Variants in COL4A3 observed in about 807,000 individuals in gnomAD.
COL4A3 encodes collagen type IV alpha 3 chain.
COL4A3 carries 135 observed loss-of-function variants against 217.4 expected under a neutral mutation model. The observed-to-expected ratio is 0.62, with a 90% CI of 0.54 to 0.72. The LOEUF is 0.72. Among genes scored for constraint, COL4A3 ranks in the 30% least tolerant of loss-of-function variants. The probability of loss-of-function intolerance (pLI) is 0.00; values close to 1 mark genes in which losing one functional copy is unlikely to be tolerated. For missense variants in COL4A3, 1,868 were observed against 2,119.9 expected (o/e 0.88, Z 2.33); for synonymous variants, 690 against 736.3 (o/e 0.94, Z 1.02).
intron 1 of COL4A3, among the ~76,000 whole-genome samples, chr2:227,217,574 T>G (rs2067573353): frequency 6.6e-6 from 1 of 152,210 alleles, no homozygotes; most frequent in African/African-American, 2.4e-5. Context: ...AACAAAATAA[T>G]GCATGATGTA....
chr2:227,270,924 A>G lies in COL4A3; in HGVS notation c.1730A>G (p.Lys577Arg). ...GGAATTCCTGGAACTCCGGGAGTGA[A>G]AGGATTACCAGGACCTAAAGGCGAA... Reference protein sequence around the residue: ...LDGIPGTPGVKGLPGPKGELA... With the variant: ...LDGIPGTPGVRGLPGPKGELA... The change falls in exon 25 of 52, where the codon AAA (lysine) becomes AGA (arginine). Residue 577 changes from lysine to arginine, a missense_variant. Transcript: ENST00000396578. 1 of 1,614,158 alleles carries G rather than the reference A, an allele frequency of 6.2e-7. No homozygotes were observed. Among genetic ancestry groups the G allele is most frequent in the Non-Finnish European group, 8.5e-7 (1 of 1,180,016 alleles).
intron 1 of COL4A3, among the ~76,000 whole-genome samples, chr2:227,177,147 CTTTTTT>C (rs200452419): frequency 0.054 from 7,377 of 137,684 alleles, 240 homozygotes; most frequent in Admixed American, 0.088. Flanking sequence ...TTTTTCTTTC[CTTTTTT>C]TTTTTTTTTT....
chr2:227,211,739 C>A (rs923191283), intron 1 of COL4A3, among the ~76,000 whole-genome samples: 6 of 152,002 alleles, frequency 3.9e-5, no homozygotes, highest in African/African-American at 1.2e-4. Context: ...CTCACTGCAA[C>A]CTCCACCTCC....
Position 227,164,824 on chromosome 2 carries a change from G to T in COL4A3, c.87+11G>T. 1 of 1,507,414 alleles carries T rather than the reference G, an allele frequency of 6.6e-7. No individual in the cohort carries two copies. The highest frequency in any genetic ancestry group is 8.8e-7 in the Non-Finnish European group (1 of 1,135,124). 93.4% of individuals were successfully genotyped at this position (1,507,414 alleles called of 1,614,324 possible). A position where few individuals can be genotyped will look rare whatever the true frequency, so the allele number is the denominator to read the frequency against. ...CCCGCAGCCAGCAAGGTGAGTGGGG[G>T]CTGCGCGACCCCCACCCCCGCACTT... On this transcript the variant is annotated intron_variant, in intron 1 of 51. Transcript: ENST00000396578. The surrounding 1 kb of genome is among the most constrained non-coding windows in gnomAD (Gnocchi z 4.8).
intron 47 of COL4A3, among the ~76,000 whole-genome samples, chr2:227,306,054 G>A (rs1054652968): frequency 6.6e-6 from 1 of 152,210 alleles, no homozygotes; most frequent in Non-Finnish European, 1.5e-5. Flanking sequence ...TAGGTGCACA[G>A]TAGAGTGCTA....
intron 20 of COL4A3, among the ~76,000 whole-genome samples, chr2:227,262,780 G>A (rs963043167): frequency 3.3e-5 from 5 of 152,106 alleles, no homozygotes; most frequent in African/African-American, 1.2e-4. Flanking sequence ...TCGGCTCTAA[G>A]AGTTTTTTTG....
intron 42 of COL4A3, 38 bp downstream of exon 42, chr2:227,297,897 A>G: frequency 1.3e-6 from 2 of 1,549,896 alleles, no homozygotes; most frequent in Non-Finnish European, 8.7e-7. Flanking sequence ...AAATAACAAA[A>G]ATCATGTTTG....
chr2:227,200,768 G>C (rs1456199244), intron 1 of COL4A3, among the ~76,000 whole-genome samples: 3 of 152,146 alleles, frequency 2.0e-5, no homozygotes, highest in African/African-American at 4.8e-5. Flanking sequence ...TAAGTAACAT[G>C]ATGTTAATTT....
intron 48 of COL4A3, among the ~76,000 whole-genome samples, chr2:227,308,581 T>C (rs906784760): frequency 6.6e-5 from 10 of 152,352 alleles, no homozygotes; most frequent in Admixed American, 3.9e-4. Context: ...TTAGCTATTA[T>C]GTACATATGA....
At chr2:227,212,019 G>A (rs2067343345) in intron 1 of COL4A3, among the ~76,000 whole-genome samples, 1 of 152,158 alleles carries the variant, frequency 6.6e-6, no homozygotes, top group African/African-American at 2.4e-5. Context: ...CCAAAATGAT[G>A]TGTGTGAAGG....
intron 1 of COL4A3, among the ~76,000 whole-genome samples, chr2:227,188,688 C>T (rs1015121160): frequency 5.9e-5 from 9 of 152,158 alleles, no homozygotes; most frequent in South Asian, 2.1e-4. Flanking sequence ...TATATGCAAG[C>T]GGAATATAAC....
At chr2:227,237,813 T>C (rs1050331999) in intron 1 of COL4A3, 155 bp from the exon 2 acceptor site, 1 of 667,016 alleles carries the variant, frequency 1.5e-6, no homozygotes, top group Admixed American at 1.9e-5. Flanking sequence ...CATATATTGA[T>C]ATATTTCTAT....
At chr2:227,309,989 C>T (rs968139657) in intron 50 of COL4A3, among the ~76,000 whole-genome samples, 18 of 152,008 alleles carry the variant, frequency 1.2e-4, no homozygotes, top group African/African-American at 4.1e-4. Context: ...TTTATGAAAA[C>T]GCTCATAGGT....
chr2:227,194,282 T>G (rs188318970), intron 1 of COL4A3, among the ~76,000 whole-genome samples: 5 of 152,306 alleles, frequency 3.3e-5, no homozygotes, highest in Admixed American at 6.5e-5. Context: ...CCGTCTGAGA[T>G]AGTTCAACAG....
At chr2:227,276,318 T>C in intron 26 of COL4A3, 67 bp from the exon 27 acceptor site, 1 of 1,169,432 alleles carries the variant, frequency 8.6e-7, no homozygotes, top group Non-Finnish European at 1.3e-6. Flanking sequence ...TATAATCGTA[T>C]TTTCCGCTAT....
intron 1 of COL4A3, among the ~76,000 whole-genome samples, chr2:227,226,478 T>G (rs200459853): frequency 6.8e-6 from 1 of 147,582 alleles, no homozygotes; most frequent in Non-Finnish European, 1.5e-5. Flanking sequence ...TAGGTTTGTT[T>G]TTTTTTTTTT....
chr2:227,302,978 C>T, intron 43 of COL4A3, 60 bp from the exon 44 acceptor site: 1 of 1,102,824 alleles, frequency 9.1e-7, no homozygotes, highest in Non-Finnish European at 1.4e-6. Context: ...TAAAAAACTG[C>T]TGTGAATTGA....
chr2:227,309,964 A>G (rs1460354732), intron 50 of COL4A3, among the ~76,000 whole-genome samples: 2 of 152,124 alleles, frequency 1.3e-5, no homozygotes, highest in Non-Finnish European at 2.9e-5. Flanking sequence ...TGCTTTACAT[A>G]CATTCTCTGT....
chr2:227,177,672 A>T (rs2065727739), intron 1 of COL4A3, among the ~76,000 whole-genome samples: 1 of 152,184 alleles, frequency 6.6e-6, no homozygotes, highest in Non-Finnish European at 1.5e-5. Flanking sequence ...AATTTCAGAA[A>T]TAAACGATTC....
Sources: gnomAD v4.1 joint callset for allele counts (sites outside exome capture counted in the v4.1 genomes callset) on GRCh38, gnomAD v4.1.1 for gene constraint, Gnocchi (gnomAD v3.1) non-coding constraint, MANE v1.5 for transcripts, NCBI Gene and HGNC (gene_info 2026-07-23, HGNC 2026-07-21) for gene names.